GATAD1: variants seen among roughly 807,000 people sequenced by gnomAD.
GATAD1 encodes the protein GATA zinc finger domain containing 1.
Under a neutral mutation model 26.5 loss-of-function variants are expected in GATAD1, and 12 were observed. The ratio of observed to expected loss-of-function variants is 0.45; its 90% CI spans 0.29 to 0.73. GATAD1 has a LOEUF of 0.73. Ranked by LOEUF, GATAD1 falls within the 30% of genes least tolerant of loss-of-function variation. GATAD1 has a pLI of 0.10. For synonymous variants in GATAD1, 129 were observed against 133.1 expected, an observed-to-expected ratio of 0.97 and a Z score of 0.21; for missense variants, 266 against 342.1, an observed-to-expected ratio of 0.78 and a Z score of 1.75.
the GATAD1 span, among the ~76,000 whole-genome samples, chr7:92,485,109 A>G: frequency 6.6e-6 from 1 of 152,182 alleles, no homozygotes; most frequent in African/African-American, 2.4e-5. Context: ...TTAATCGCTC[A>G]GTTAAGATGG....
At position 92,458,724 on chromosome 7, in the gene GATAD1, C is replaced by T. The variant is rs1208601563; in HGVS notation, c.*2162C>T. Reference sequence around the variant, plus strand: ...GGAAAGAAACAACTATAGGTAGCTACACGTACATAATTATCTCTTTATTCA... The same window carrying T: ...GGAAAGAAACAACTATAGGTAGCTATACGTACATAATTATCTCTTTATTCA... On this transcript the variant is annotated 3_prime_UTR_variant, in exon 5 of 5. Transcript: ENST00000287957. The T allele has an allele frequency of 1.3e-5, 2 of 152,200 alleles. No homozygotes were observed. The highest frequency in any genetic ancestry group is 2.9e-5 in the Non-Finnish European group (2 of 68,030). 9.4% of individuals were successfully genotyped at this position (152,200 alleles called of 1,614,324 possible).
At chr7:92,449,507 T>A (rs1216578427) in intron 2 of GATAD1, 1 of 976,490 alleles carries the variant, frequency 1.0e-6, no homozygotes, top group East Asian at 1.1e-4. Context: ...TCAAACACAG[T>A]GGACAGTGCA....
In GATAD1 at chr7:92,459,535, C is replaced by G. The variant is rs550986404; in HGVS notation, c.*2973C>G. 1 of 152,320 alleles carries G rather than the reference C, an allele frequency of 6.6e-6. No homozygotes were observed. The highest frequency in any genetic ancestry group is 1.5e-5 in the Non-Finnish European group (1 of 68,052). 9.4% of individuals were successfully genotyped at this position (152,320 alleles called of 1,614,324 possible). On this transcript the variant is annotated 3_prime_UTR_variant, in exon 5 of 5. Transcript: ENST00000287957. Reference sequence around the variant, plus strand: ...TCCTCATTACCACTAAAATCTTTCCCCTGTATGCCCGCCCAATTTTTCTGG... The same window carrying G: ...TCCTCATTACCACTAAAATCTTTCCGCTGTATGCCCGCCCAATTTTTCTGG...
At chr7:92,465,410 G>GA in the GATAD1 span, among the ~76,000 whole-genome samples, 2 of 152,118 alleles carry the variant, frequency 1.3e-5, no homozygotes, top group Admixed American at 6.5e-5. Flanking sequence ...CTGAGGTCAG[G>GA]AGTTTGAGAC....
rs1789767405 is a variant in GATAD1, at chr7:92,458,187, A to G, written c.*1625A>G. The G allele has an allele frequency of 6.6e-6, 1 of 152,208 alleles. No individual in the cohort carries two copies. Among genetic ancestry groups the G allele is most frequent in the Non-Finnish European group, 1.5e-5 (1 of 68,048 alleles). The allele number at this position is 152,208 out of a possible 1,614,324, so 9.4% of individuals were successfully genotyped here. A position where few individuals can be genotyped will look rare whatever the true frequency, so the allele number is the denominator to read the frequency against. Reference sequence around the variant, plus strand: ...ATTTAATCCTTCTGTAGAAACAGGCATTCAGAACCATTCCATTGATCTTAA... The same window carrying G: ...ATTTAATCCTTCTGTAGAAACAGGCGTTCAGAACCATTCCATTGATCTTAA... On this transcript the variant is annotated 3_prime_UTR_variant, in exon 5 of 5. Transcript: ENST00000287957.
At chr7:92,488,764 C>T in the GATAD1 span, among the ~76,000 whole-genome samples, 6 of 146,406 alleles carry the variant, frequency 4.1e-5, no homozygotes, top group Non-Finnish European at 8.9e-5. Flanking sequence ...CAGTCTCGCT[C>T]TGTGGCCCAG....
chr7:92,462,762 AGAG>A (rs922335689), downstream of GATAD1, among the ~76,000 whole-genome samples: 11 of 152,204 alleles, frequency 7.2e-5, no homozygotes, highest in Admixed American at 3.3e-4. Context: ...CCTTTTAGGA[AGAG>A]GAGAACAGAC....
chr7:92,487,258 A>T, the GATAD1 span: 3 of 366,790 alleles, frequency 8.2e-6, no homozygotes, highest in African/African-American at 4.2e-5. Context: ...GGAATCTGTT[A>T]TAATGTCCCA....
At chr7:92,466,348 T>C in the GATAD1 span, among the ~76,000 whole-genome samples, 1 of 151,800 alleles carries the variant, frequency 6.6e-6, no homozygotes, top group African/African-American at 2.4e-5. Flanking sequence ...TTTTAAGAGA[T>C]GGGGTCTCAC....
At chr7:92,453,374 A>G (rs942855813) in intron 3 of GATAD1, among the ~76,000 whole-genome samples, 1 of 152,194 alleles carries the variant, frequency 6.6e-6, no homozygotes, top group African/African-American at 2.4e-5. Context: ...AGGAGAGATT[A>G]TTTCCAGCTC....
chr7:92,488,796 C>T, the GATAD1 span, among the ~76,000 whole-genome samples: 1 of 150,138 alleles, frequency 6.7e-6, no homozygotes, highest in African/African-American at 2.5e-5. Flanking sequence ...TGCAGTGGTG[C>T]AATCTCGGCT....
chr7:92,462,978 A>G (rs952279390), downstream of GATAD1: 5 of 152,276 alleles, frequency 3.3e-5, no homozygotes, highest in East Asian at 1.9e-4. Flanking sequence ...TGACAGAGAT[A>G]GAAACAACAC....
At chr7:92,485,514 C>G in the GATAD1 span, among the ~76,000 whole-genome samples, 1 of 152,302 alleles carries the variant, frequency 6.6e-6, no homozygotes, top group African/African-American at 2.4e-5. Context: ...AGAGAAAAGG[C>G]CCTGTCATCA....
At chr7:92,490,020 T>C in the GATAD1 span, 2 of 860,326 alleles carry the variant, frequency 2.3e-6, no homozygotes, top group African/African-American at 1.7e-5. Flanking sequence ...AACATTAACA[T>C]AGATAAGTAT....
At chr7:92,480,657 C>T in the GATAD1 span, among the ~76,000 whole-genome samples, 4 of 151,926 alleles carry the variant, frequency 2.6e-5, no homozygotes, top group Admixed American at 6.6e-5. Flanking sequence ...GATTGATAGG[C>T]GGAAGTTTCA....
the GATAD1 span, among the ~76,000 whole-genome samples, chr7:92,482,973 C>T: frequency 4.6e-5 from 7 of 152,162 alleles, no homozygotes; most frequent in Admixed American, 3.9e-4. Context: ...TGGACTTAGC[C>T]TCCACTGTGA....
chr7:92,458,739 CTCTT>C lies in GATAD1; in HGVS notation c.*2179_*2182del, dbSNP rs1378105614. On this transcript the variant is annotated 3_prime_UTR_variant, in exon 5 of 5. Transcript: ENST00000287957. ...TAGGTAGCTACACGTACATAATTAT[CTCTT>C]TATTCACAAAGGGTATAGTAAAATT... 2.0e-5 allele frequency: 3 copies of C among 152,328 alleles called. No homozygotes were observed. Among genetic ancestry groups the C allele is most frequent in the East Asian group, 1.9e-4 (1 of 5,194 alleles). The allele number at this position is 152,328 out of a possible 1,614,324, so 9.4% of individuals were successfully genotyped here. A position where few individuals can be genotyped will look rare whatever the true frequency, so the allele number is the denominator to read the frequency against.
At chr7:92,464,285 T>C (rs1277496885), downstream of GATAD1, among the ~76,000 whole-genome samples, 1 of 152,224 alleles carries the variant, frequency 6.6e-6, no homozygotes, top group Non-Finnish European at 1.5e-5. Flanking sequence ...AGCCATCTCC[T>C]GGACTTGAAT....
the GATAD1 span, among the ~76,000 whole-genome samples, chr7:92,474,267 A>G: frequency 6.6e-6 from 1 of 152,166 alleles, no homozygotes; most frequent in African/African-American, 2.4e-5. Flanking sequence ...CAGACTTTTG[A>G]AGTTTTTTTC....
Sources: gnomAD v4.1 joint callset for allele counts (sites outside exome capture counted in the v4.1 genomes callset) on GRCh38, gnomAD v4.1.1 for gene constraint, MANE v1.5 for transcripts, NCBI Gene and HGNC (gene_info 2026-07-23, HGNC 2026-07-21) for gene names.